BORCS5: variants seen among roughly 807,000 people sequenced by gnomAD.
The protein encoded by BORCS5 is BLOC-1-related complex subunit 5.
In BORCS5, 17 loss-of-function variants were observed where a neutral mutation model predicts 22.1. That is an observed-to-expected ratio of 0.77 (90% CI 0.53 to 1.15). The LOEUF (loss-of-function observed/expected upper bound fraction) is 1.15. Ranked by LOEUF, BORCS5 falls within the 50% of genes most tolerant of loss-of-function variation. The probability of loss-of-function intolerance (pLI) is 0.00; values close to 1 mark genes in which losing one functional copy is unlikely to be tolerated. For synonymous variants in BORCS5, 117 were observed against 99.8 expected, an observed-to-expected ratio of 1.17 and a Z score of -1.03; for missense variants, 247 against 253.2, an observed-to-expected ratio of 0.98 and a Z score of 0.17.
intron 3 of BORCS5, among the ~76,000 whole-genome samples, chr12:12,460,132 C>A (rs1486875268): frequency 6.6e-6 from 1 of 152,240 alleles, no homozygotes; most frequent in Non-Finnish European, 1.5e-5. Context: ...CGTGTTGAAT[C>A]TGACAATCCA....
At chr12:12,370,201 G>A (rs1023400986) in intron 2 of BORCS5, among the ~76,000 whole-genome samples, 2 of 151,828 alleles carry the variant, frequency 1.3e-5, no homozygotes, top group African/African-American at 4.8e-5. Context: ...TATAGAATGT[G>A]ATGTTTACCC....
intron 2 of BORCS5, among the ~76,000 whole-genome samples, chr12:12,421,218 C>T (rs60234922): frequency 8.5e-5 from 13 of 152,202 alleles, no homozygotes; most frequent in African/African-American, 1.4e-4. Flanking sequence ...TTTTGAGATA[C>T]GTTCCATCAA....
Position 12,357,456 on chromosome 12 carries a change from G to T in BORCS5, c.5G>T (p.Gly2Val), listed in dbSNP as rs1311690667. M[G>V]SEQSSEAESR... ...GCTGCCACCGCTGTCGGCACCATGGGCAGTGAGCAGAGCTCCGAGGCCGAG... is the reference window on the plus strand; with the variant it reads ...GCTGCCACCGCTGTCGGCACCATGGTCAGTGAGCAGAGCTCCGAGGCCGAG... Residue 2 changes from glycine to valine, a missense_variant, in exon 1 of 4, where the codon GGC becomes GTC. Gly to Val is a moderately radical substitution (Grantham distance 109). Transcript: ENST00000314565. 3.1e-6 allele frequency: 5 copies of T among 1,610,360 alleles called. No homozygotes were observed.
chr12:12,427,682 G>A (rs1942324229), intron 2 of BORCS5, among the ~76,000 whole-genome samples: 2 of 152,190 alleles, frequency 1.3e-5, no homozygotes, highest in African/African-American at 4.8e-5. Context: ...TAAACAGCAA[G>A]CATTTATCTC....
chr12:12,437,573 C>G (rs999539167), intron 3 of BORCS5, among the ~76,000 whole-genome samples: 5 of 152,192 alleles, frequency 3.3e-5, no homozygotes, highest in Non-Finnish European at 7.3e-5. Flanking sequence ...TATTCCCTCA[C>G]CACCCCTTGG....
At chr12:12,406,650 A>C (rs899227090) in intron 2 of BORCS5, among the ~76,000 whole-genome samples, 2 of 152,176 alleles carry the variant, frequency 1.3e-5, no homozygotes, top group Non-Finnish European at 2.9e-5. Context: ...ACAAACAAAA[A>C]AAAAACGTGT....
At chr12:12,423,616 G>C (rs2136108411) in intron 2 of BORCS5, among the ~76,000 whole-genome samples, 1 of 151,514 alleles carries the variant, frequency 6.6e-6, no homozygotes. Flanking sequence ...TGAGAAATCT[G>C]TTGATAATCT....
At chr12:12,427,184 T>C (rs1051370836) in intron 2 of BORCS5, among the ~76,000 whole-genome samples, 35 of 69,258 alleles carry the variant, frequency 5.1e-4, no homozygotes, top group Non-Finnish European at 6.5e-4. Context: ...TTTTTTTTTT[T>C]TTTTTTTTTT....
At chr12:12,391,052 G>T (rs1941168357) in intron 2 of BORCS5, among the ~76,000 whole-genome samples, 2 of 152,076 alleles carry the variant, frequency 1.3e-5, no homozygotes, top group South Asian at 4.1e-4. Context: ...CCAACTCTGT[G>T]CCTTCAGCGC....
chr12:12,446,811 C>T (rs1292541704), intron 3 of BORCS5, among the ~76,000 whole-genome samples: 4 of 152,168 alleles, frequency 2.6e-5, no homozygotes, highest in Admixed American at 2.6e-4. Context: ...GGAAACTGCC[C>T]ATGACAGCCA....
At chr12:12,357,600 G>T in intron 1 of BORCS5, 91 bp downstream of exon 1, 1 of 1,384,576 alleles carries the variant, frequency 7.2e-7, no homozygotes, top group Non-Finnish European at 9.8e-7. Flanking sequence ...GACTGCGGAC[G>T]GGAACGCACA....
intron 2 of BORCS5, among the ~76,000 whole-genome samples, chr12:12,386,472 G>A (rs1165890932): frequency 2.4e-5 from 3 of 124,656 alleles, no homozygotes; most frequent in East Asian, 4.6e-4. Context: ...TTTTTTATTT[G>A]TTCTAGTTCG....
At chr12:12,409,915 T>C (rs1398550257) in intron 2 of BORCS5, among the ~76,000 whole-genome samples, 3 of 152,130 alleles carry the variant, frequency 2.0e-5, no homozygotes, top group Admixed American at 6.5e-5. Context: ...TTTTAATGAT[T>C]GCCATTCTAA....
intron 2 of BORCS5, among the ~76,000 whole-genome samples, chr12:12,407,717 T>C (rs1941625463): frequency 6.6e-6 from 1 of 151,056 alleles, no homozygotes; most frequent in South Asian, 2.1e-4. Context: ...TGTTTTTTTT[T>C]TTTTTTGAGA....
chr12:12,427,905 A>G (rs1385308126), intron 2 of BORCS5, among the ~76,000 whole-genome samples: 1 of 152,156 alleles, frequency 6.6e-6, no homozygotes, highest in Non-Finnish European at 1.5e-5. Flanking sequence ...CTCACCCACT[A>G]AGGTCCCCAC....
intron 2 of BORCS5, 100 bp downstream of exon 2, chr12:12,361,449 C>T: frequency 2.3e-6 from 3 of 1,321,958 alleles, no homozygotes; most frequent in African/African-American, 2.9e-5. Context: ...CTCTCATCTC[C>T]TTTAGGTCTT....
chr12:12,378,390 C>G (rs1410510131), intron 2 of BORCS5, among the ~76,000 whole-genome samples: 2 of 152,058 alleles, frequency 1.3e-5, no homozygotes, highest in Non-Finnish European at 2.9e-5. Context: ...TACATAAAGT[C>G]TACTACAAAC....
At chr12:12,393,077 T>C (rs1425740263) in intron 2 of BORCS5, among the ~76,000 whole-genome samples, 1 of 151,754 alleles carries the variant, frequency 6.6e-6, no homozygotes, top group Non-Finnish European at 1.5e-5. Flanking sequence ...CTACAAAAAA[T>C]ACAAAAAAAT....
intron 2 of BORCS5, among the ~76,000 whole-genome samples, chr12:12,418,592 C>A (rs143496935): frequency 6.6e-6 from 1 of 152,120 alleles, no homozygotes; most frequent in East Asian, 1.9e-4. Context: ...GAGTCTAAGG[C>A]AGGAGGATTG....
Sources: gnomAD v4.1 joint callset for allele counts (sites outside exome capture counted in the v4.1 genomes callset) on GRCh38, gnomAD v4.1.1 for gene constraint, MANE v1.5 for transcripts, NCBI Gene and HGNC (gene_info 2026-07-23, HGNC 2026-07-21) for gene names.